The following ZNF608 variants were observed in gnomAD, a reference collection of about 807,000 sequenced individuals.
The protein encoded by ZNF608 is zinc finger protein 608.
A neutral mutation model predicts 109.0 loss-of-function variants in ZNF608; 12 were observed. The ratio of observed to expected loss-of-function variants is 0.11; its 90% CI spans 0.07 to 0.18. The LOEUF (loss-of-function observed/expected upper bound fraction) is 0.18, where lower values mean the gene tolerates loss of function less well. Among genes scored for constraint, ZNF608 ranks in the 10% least tolerant of loss-of-function variants. The pLI is 1.00. For missense variants in ZNF608, 1,707 were observed against 1,879.3 expected (o/e 0.91, Z 1.70); for synonymous variants, 732 against 717.4 (o/e 1.02, Z -0.33).
chr5:124,669,416 C>T (rs114629485), intron 3 of ZNF608, among the ~76,000 whole-genome samples: 2,901 of 152,262 alleles, frequency 0.019, 90 homozygotes, highest in African/African-American at 0.067. Context: ...AGCCACCACA[C>T]GGCCTGCTCT....
At chr5:124,689,086 T>A (rs1221261723) in intron 3 of ZNF608, among the ~76,000 whole-genome samples, 4 of 152,122 alleles carry the variant, frequency 2.6e-5, no homozygotes, top group Non-Finnish European at 5.9e-5. Flanking sequence ...GTAAAAGAAA[T>A]ACGTATAAGA....
intron 2 of ZNF608, among the ~76,000 whole-genome samples, chr5:124,706,964 C>T (rs1429167122): frequency 2.0e-5 from 3 of 152,146 alleles, no homozygotes; most frequent in African/African-American, 7.2e-5. Context: ...AGGTTATTTA[C>T]ACAGAGAGCG....
At chr5:124,721,319 GT>G (rs1346092290) in intron 2 of ZNF608, among the ~76,000 whole-genome samples, 1 of 152,060 alleles carries the variant, frequency 6.6e-6, no homozygotes, top group Non-Finnish European at 1.5e-5. Flanking sequence ...TTTTTCCTCT[GT>G]AACCCTACTA....
In ZNF608 at chr5:124,744,634, A is replaced by G; in HGVS notation, c.356T>C (p.Leu119Pro). 1.2e-6 allele frequency: 2 copies of G among 1,614,236 alleles called. No homozygotes were observed. Among genetic ancestry groups the G allele is most frequent in the Non-Finnish European group, 1.7e-6 (2 of 1,180,038 alleles). Residue 119 changes from leucine to proline, a missense_variant, in exon 2 of 10, where the codon CTG becomes CCG. By Grantham distance (98) the Leu-to-Pro change is moderately conservative (BLOSUM62 -3). This residue lies in a region of ZNF608 where 407 missense variants were observed against 398.7 expected (regional missense o/e 1.02). Coordinates refer to ENST00000513986, the MANE Select transcript of ZNF608 (RefSeq NM_020747.3). The surrounding 1 kb of genome is among the most constrained non-coding windows in gnomAD (Gnocchi z 4.5). The stretch of plus-strand genomic sequence containing the variant: ...AATCCCATACAAGGCAGCAGAAGGC[A>G]GAGATTTATTAGCATCCTTAGAAGT... ...SKTSKDANKSLPSAALYGIPE... is the reference protein window; with the variant it reads ...SKTSKDANKSPPSAALYGIPE...
chr5:124,692,097 A>G (rs1028588789), intron 3 of ZNF608, among the ~76,000 whole-genome samples: 2 of 152,256 alleles, frequency 1.3e-5, no homozygotes, highest in African/African-American at 4.8e-5. Flanking sequence ...GGGAAAAAGT[A>G]TGTCAAATAT....
chr5:124,713,065 C>T (rs1561577917), intron 2 of ZNF608, among the ~76,000 whole-genome samples: 1 of 152,210 alleles, frequency 6.6e-6, no homozygotes. Flanking sequence ...CACCCACCAC[C>T]TGATTCGGGC....
At chr5:124,745,687 T>C (rs1240235051) in intron 1 of ZNF608, among the ~76,000 whole-genome samples, 1 of 152,220 alleles carries the variant, frequency 6.6e-6, no homozygotes, top group African/African-American at 2.4e-5. Flanking sequence ...ATTTCTAATT[T>C]AGGTTTCAGT....
At chr5:124,728,330 A>G (rs1748714717) in intron 2 of ZNF608, among the ~76,000 whole-genome samples, 1 of 152,236 alleles carries the variant, frequency 6.6e-6, no homozygotes, top group Non-Finnish European at 1.5e-5. Flanking sequence ...TTAGGTGGAT[A>G]GGAACATATC....
chr5:124,656,579 C>T (rs902702922), intron 3 of ZNF608, among the ~76,000 whole-genome samples: 1 of 151,990 alleles, frequency 6.6e-6, no homozygotes, highest in African/African-American at 2.4e-5. Flanking sequence ...TAAACCCAAT[C>T]CACATACAAC....
intron 2 of ZNF608, among the ~76,000 whole-genome samples, chr5:124,740,663 T>C (rs138583245): frequency 3.1e-3 from 472 of 152,370 alleles, no homozygotes; most frequent in Non-Finnish European, 5.4e-3. Context: ...ATATCCTTTA[T>C]GGACAGGTCC....
Position 124,646,692 on chromosome 5 carries a change from G to C in ZNF608, c.3692C>G (p.Ser1231Trp). ...SMKQTGVDPT[S>W]RFKQDPDSRT... ...CCACAATCTTACTTGTTTAAATCTC[G>C]AGGTTGGGTCTACACCTGTCTGCTT... The change falls in exon 5 of 10, where the codon TCG (serine) becomes TGG (tryptophan). Residue 1231 changes from serine (S) to tryptophan (W), a missense_variant. By Grantham distance (177) the Ser-to-Trp change is radical. Transcript: ENST00000513986. 3 of 1,609,644 alleles carry C rather than the reference G, an allele frequency of 1.9e-6. No individual in the cohort carries two copies. The highest frequency in any genetic ancestry group is 2.5e-6 in the Non-Finnish European group (3 of 1,176,582).
At chr5:124,659,301 C>A (rs1406985607) in intron 3 of ZNF608, among the ~76,000 whole-genome samples, 1 of 152,048 alleles carries the variant, frequency 6.6e-6, no homozygotes, top group African/African-American at 2.4e-5. Flanking sequence ...TGCCACTCAC[C>A]AAAAGACGAG....
chr5:124,678,697 G>T (rs1435665848), intron 3 of ZNF608, among the ~76,000 whole-genome samples: 1 of 152,262 alleles, frequency 6.6e-6, no homozygotes, highest in East Asian at 1.9e-4. Context: ...CTTCTGCCAG[G>T]GCTGATGACA....
chr5:124,686,367 G>A lies in ZNF608; in HGVS notation c.1162+14647C>T, dbSNP rs984826967. Among the ~76,000 whole-genome samples the A allele has an allele frequency of 4.6e-5, 7 of 152,126 alleles. 1 individual carries two copies. The highest frequency in any genetic ancestry group is 7.3e-5 in the Non-Finnish European group (5 of 68,036). On this transcript the variant is annotated intron_variant, in intron 3 of 9. Transcript: ENST00000513986. ...GCCATGAAGATTGTCCTGGTTCCTG[G>A]TCTATGGCCTCCTAATGTGTCTGCC...
At chr5:124,654,859 C>T (rs570497142) in intron 3 of ZNF608, among the ~76,000 whole-genome samples, 4 of 152,336 alleles carry the variant, frequency 2.6e-5, no homozygotes, top group Non-Finnish European at 4.4e-5. Flanking sequence ...CCCTGAATGA[C>T]AAGGAGAACT....
intron 3 of ZNF608, among the ~76,000 whole-genome samples, chr5:124,674,618 T>C (rs903282128): frequency 3.9e-5 from 6 of 152,228 alleles, no homozygotes; most frequent in African/African-American, 1.4e-4. Context: ...TTTGTGTGTT[T>C]GTTTTGCTTT....
chr5:124,687,129 G>T (rs1398556157), intron 3 of ZNF608, among the ~76,000 whole-genome samples: 1 of 152,080 alleles, frequency 6.6e-6, no homozygotes, highest in Non-Finnish European at 1.5e-5. Flanking sequence ...TCATACACAC[G>T]TAAACAGACT....
intron 2 of ZNF608, among the ~76,000 whole-genome samples, chr5:124,741,142 T>C (rs1749377172): frequency 6.6e-6 from 1 of 152,172 alleles, no homozygotes; most frequent in African/African-American, 2.4e-5. Flanking sequence ...CTTAGAATTA[T>C]GGCATGTTTT....
chr5:124,706,713 G>A (rs1753271848), intron 2 of ZNF608, among the ~76,000 whole-genome samples: 1 of 152,128 alleles, frequency 6.6e-6, no homozygotes, highest in Non-Finnish European at 1.5e-5. Context: ...AGGAAAGCAG[G>A]AAAGCAGCCA....
Sources: allele counts gnomAD v4.1 joint callset (sites outside exome capture counted in the v4.1 genomes callset), GRCh38; gene constraint gnomAD v4.1.1; regional missense constraint gnomAD v4.1.1; non-coding constraint Gnocchi (gnomAD v3.1); transcripts MANE v1.5; gene names NCBI Gene and HGNC (gene_info 2026-07-23, HGNC 2026-07-21).